The following DLGAP2 variants were observed in gnomAD, a reference collection of about 807,000 sequenced individuals.
DLGAP2 encodes the protein DLG associated protein 2, also known as disks large-associated protein 2.
A neutral mutation model predicts 100.3 loss-of-function variants in DLGAP2; 26 were observed. That is an observed-to-expected ratio of 0.26 (90% confidence interval 0.19 to 0.36). The LOEUF is 0.36. Among genes scored for constraint, DLGAP2 ranks in the 10% least tolerant of loss-of-function variants. The pLI is 1.00. For synonymous variants in DLGAP2, 886 were observed against 630.1 expected (o/e 1.41, Z -6.08); for missense variants, 1,858 against 1,453.2 (o/e 1.28, Z -4.53).
At chr8:1,256,450 AGGTGCTGTGCGTGTCCTCTCCTGCCTG>A (rs1799219855) in intron 2 of DLGAP2, among the ~76,000 whole-genome samples, 1 of 88,642 alleles carries the variant, frequency 1.1e-5, no homozygotes, top group Non-Finnish European at 2.1e-5. Context: ...TCTCCTGCCC[AGGTGCTGTGCGTGTCCTCTCCTGCCTG>A]GGTGCTGTGT....
rs373957325 is a variant in DLGAP2, at chr8:763,300, A to G, written c.18+25475A>G. Among the ~76,000 whole-genome samples the G allele has an allele frequency of 9.2e-5, 14 of 152,198 alleles. 1 individual carries two copies. In the South Asian group the frequency reaches 1.7e-3, roughly 18 times the overall value. On this transcript the variant is annotated intron_variant, in intron 1 of 14. Coordinates refer to ENST00000637795, the MANE Select transcript of DLGAP2 (RefSeq NM_001346810.2). ...AGAAGGTTGCTTGTTAAGGACGCAC[A>G]TCGTATTGAAGTGAAGATCACTGTT...
chr8:1,412,754 A>G (rs770172049), intron 3 of DLGAP2, among the ~76,000 whole-genome samples: 7 of 152,306 alleles, frequency 4.6e-5, no homozygotes, highest in South Asian at 2.1e-4. Context: ...GCAAAAGGCA[A>G]TTGCCAGCTG....
At chr8:1,303,439 A>T (rs1446157122) in intron 3 of DLGAP2, among the ~76,000 whole-genome samples, 2 of 149,342 alleles carry the variant, frequency 1.3e-5, no homozygotes, top group Non-Finnish European at 3.0e-5. Flanking sequence ...GAAGGAGAAG[A>T]GGAGTGTTTT....
intron 2 of DLGAP2, among the ~76,000 whole-genome samples, chr8:1,110,880 C>T (rs1313393305): frequency 1.3e-5 from 2 of 152,060 alleles, no homozygotes; most frequent in East Asian, 3.9e-4. Flanking sequence ...TCAGCTACCC[C>T]TGTCTGTGGG....
chr8:1,123,105 C>A (rs1318310436), intron 2 of DLGAP2, among the ~76,000 whole-genome samples: 1 of 152,162 alleles, frequency 6.6e-6, no homozygotes, highest in African/African-American at 2.4e-5. Flanking sequence ...GTCAAAATAT[C>A]TCACATTTCA....
chr8:1,430,547 CA>C (rs1797395453), intron 3 of DLGAP2, among the ~76,000 whole-genome samples: 1 of 152,182 alleles, frequency 6.6e-6, no homozygotes, highest in Admixed American at 6.5e-5. Context: ...GTGACTCAGA[CA>C]AACCCCATTG....
chr8:759,558 C>G (rs1050593041), intron 1 of DLGAP2, among the ~76,000 whole-genome samples: 7 of 151,316 alleles, frequency 4.6e-5, no homozygotes, highest in Non-Finnish European at 1.0e-4. Context: ...AGGTGTGTGT[C>G]CAGCACTCCA....
chr8:1,068,847 CTTGTTT>C (rs1342562882), intron 2 of DLGAP2, among the ~76,000 whole-genome samples: 2 of 152,130 alleles, frequency 1.3e-5, no homozygotes, highest in Non-Finnish European at 2.9e-5. Flanking sequence ...TCTCCCTGAG[CTTGTTT>C]ATCAAGAAGA....
intron 1 of DLGAP2, among the ~76,000 whole-genome samples, chr8:905,846 G>A (rs956727688): frequency 8.0e-6 from 1 of 125,054 alleles, no homozygotes; most frequent in Non-Finnish European, 1.6e-5. Context: ...TCACATGCAT[G>A]TCTTGTGACC....
chr8:1,488,846 C>T (rs547688229), intron 3 of DLGAP2, among the ~76,000 whole-genome samples: 1 of 152,284 alleles, frequency 6.6e-6, no homozygotes, highest in East Asian at 1.9e-4. Flanking sequence ...GACTCTTGTC[C>T]TGCAGATAGT....
At chr8:1,425,344 G>A (rs1420900406) in intron 3 of DLGAP2, among the ~76,000 whole-genome samples, 1 of 152,204 alleles carries the variant, frequency 6.6e-6, no homozygotes, top group East Asian at 1.9e-4. Flanking sequence ...AGGGGACCTG[G>A]TGTTAACATC....
intron 2 of DLGAP2, among the ~76,000 whole-genome samples, chr8:1,257,526 C>A (rs1563045828): frequency 1.0e-4 from 1 of 9,608 alleles, no homozygotes; most frequent in Non-Finnish European, 6.0e-4. Context: ...TGTGCTCGCT[C>A]CCCAGATTAC....
At chr8:1,595,719 C>T (rs549012467) in intron 6 of DLGAP2, among the ~76,000 whole-genome samples, 4 of 151,062 alleles carry the variant, frequency 2.6e-5, no homozygotes, top group Admixed American at 2.0e-4. Flanking sequence ...AAGCCCCCAG[C>T]GAGCTCCCCA....
chr8:874,297 T>G (rs1318434985), intron 1 of DLGAP2, among the ~76,000 whole-genome samples: 8 of 152,150 alleles, frequency 5.3e-5, no homozygotes, highest in Non-Finnish European at 1.0e-4. Flanking sequence ...AAGTTTAGCT[T>G]CTTCATTTGA....
At chr8:1,443,432 C>T (rs1797895597) in intron 3 of DLGAP2, among the ~76,000 whole-genome samples, 1 of 152,158 alleles carries the variant, frequency 6.6e-6, no homozygotes, top group African/African-American at 2.4e-5. Flanking sequence ...TTATTTCTGC[C>T]AGTTTCACTT....
chr8:881,139 A>C (rs1481115525), intron 1 of DLGAP2, among the ~76,000 whole-genome samples: 1 of 152,254 alleles, frequency 6.6e-6, no homozygotes, highest in Admixed American at 6.5e-5. Context: ...ACTTATTGCA[A>C]AGTAGAATCT....
At chr8:778,871 A>T (rs1159197579) in intron 1 of DLGAP2, among the ~76,000 whole-genome samples, 1 of 152,246 alleles carries the variant, frequency 6.6e-6, no homozygotes, top group Non-Finnish European at 1.5e-5. Flanking sequence ...GGCTCCACCC[A>T]GTTCGAGCTT....
At chr8:1,373,296 C>A (rs1424271675) in intron 3 of DLGAP2, among the ~76,000 whole-genome samples, 3 of 147,694 alleles carry the variant, frequency 2.0e-5, no homozygotes, top group Non-Finnish European at 4.6e-5. Flanking sequence ...GTGTCGGGAG[C>A]AGGGGCCGCG....
intron 2 of DLGAP2, among the ~76,000 whole-genome samples, chr8:1,058,152 T>C (rs1183561358): frequency 6.6e-6 from 1 of 151,682 alleles, no homozygotes; most frequent in East Asian, 1.9e-4. Context: ...CTGGATTGAC[T>C]AGCGGCGGGT....
Sources: allele counts gnomAD v4.1 joint callset (sites outside exome capture counted in the v4.1 genomes callset), GRCh38; gene constraint gnomAD v4.1.1; transcripts MANE v1.5; gene names NCBI Gene and HGNC (gene_info 2026-07-23, HGNC 2026-07-21).